The following NLGN1 variants were observed in gnomAD, a reference collection of about 807,000 sequenced individuals.
NLGN1 encodes the protein neuroligin 1.
A neutral mutation model predicts 65.5 loss-of-function variants in NLGN1; 12 were observed. The ratio of observed to expected loss-of-function variants is 0.18; its 90% CI spans 0.12 to 0.30. The LOEUF (loss-of-function observed/expected upper bound fraction) is 0.30, where lower values mean the gene tolerates loss of function less well. Ranked by LOEUF, NLGN1 falls within the 10% of genes least tolerant of loss-of-function variation. NLGN1 has a pLI of 1.00. For synonymous variants in NLGN1, 350 were observed against 359.5 expected (o/e 0.97, Z 0.30); for missense variants, 750 against 1,007.1 (o/e 0.74, Z 3.46).
intron 4 of NLGN1, among the ~76,000 whole-genome samples, chr3:174,194,848 T>TTTTTTTC (rs1242633897): frequency 1.2e-4 from 16 of 137,268 alleles, no homozygotes; most frequent in Non-Finnish European, 2.0e-4. Flanking sequence ...ATTCAAGATT[T>TTTTTTTC]TTTTTTCTTT....
chr3:173,757,670 G>A (rs755786267), intron 3 of NLGN1, among the ~76,000 whole-genome samples: 3 of 151,754 alleles, frequency 2.0e-5, no homozygotes, highest in Non-Finnish European at 2.9e-5. Context: ...AAACAAAGCA[G>A]CAGAAAAAAA....
At chr3:174,190,102 GT>G (rs1296057728) in intron 4 of NLGN1, among the ~76,000 whole-genome samples, 1 of 152,034 alleles carries the variant, frequency 6.6e-6, no homozygotes, top group Non-Finnish European at 1.5e-5. Context: ...CTACAATTCA[GT>G]TTTTAAAAGT....
At chr3:173,635,025 C>A (rs2149559840) in intron 3 of NLGN1, among the ~76,000 whole-genome samples, 1 of 152,174 alleles carries the variant, frequency 6.6e-6, no homozygotes, top group East Asian at 1.9e-4. Context: ...AAATATAACA[C>A]ATGTAGCACA....
At position 173,920,376 on chromosome 3, in the gene NLGN1, ATAATT is replaced by A. The variant is rs368610052; in HGVS notation, c.646+112546_646+112550del. 3.6e-3 allele frequency: 541 copies of A among 152,308 alleles called. 1 individual carries two copies. Among genetic ancestry groups the A allele is most frequent in the African/African-American group, 0.012 (519 of 41,556 alleles). 9.4% of individuals were successfully genotyped at this position (152,308 alleles called of 1,614,324 possible). Reference sequence around the variant, plus strand: ...ATAAAATAATGAAAACTATGATAATATAATTTGTTTTCTTCAGATTTGGGCCATAT... The same window carrying A: ...ATAAAATAATGAAAACTATGATAATATGTTTTCTTCAGATTTGGGCCATAT... On this transcript the variant is annotated intron_variant, in intron 4 of 6. Transcript: ENST00000457714.
intron 4 of NLGN1, among the ~76,000 whole-genome samples, chr3:173,998,818 T>C (rs998270248): frequency 1.3e-5 from 2 of 152,182 alleles, no homozygotes; most frequent in Non-Finnish European, 2.9e-5. Context: ...CCCTGAAATA[T>C]TGGTGTGATT....
chr3:173,837,699 A>C (rs533274702), intron 4 of NLGN1, among the ~76,000 whole-genome samples: 4 of 152,172 alleles, frequency 2.6e-5, no homozygotes, highest in Non-Finnish European at 4.4e-5. Context: ...AATTCTTTCT[A>C]CTGCAGAGGA....
rs567005512 is a variant in NLGN1, at chr3:173,522,518, C to T, written c.-320-81761C>T. On this transcript the variant is annotated intron_variant, in intron 2 of 6. Coordinates refer to ENST00000457714, the Ensembl canonical transcript of NLGN1. The stretch of plus-strand genomic sequence containing the variant: ...TGATCTTGGCTCACTGCAAGCTCTG[C>T]CTCCCAGGTTCACGCCATTCTCCTG... Among the ~76,000 whole-genome samples the T allele has an allele frequency of 7.0e-4, 107 of 152,292 alleles. 1 individual carries two copies. The highest frequency in any genetic ancestry group is 2.5e-3 in the African/African-American group (105 of 41,578).
At chr3:173,862,048 C>T (rs1457721633) in intron 4 of NLGN1, among the ~76,000 whole-genome samples, 2 of 151,694 alleles carry the variant, frequency 1.3e-5, no homozygotes, top group Non-Finnish European at 2.9e-5. Context: ...GAATTACAGG[C>T]GTGAGCCACC....
At chr3:173,402,846 G>T (rs1038830938) in intron 1 of NLGN1, among the ~76,000 whole-genome samples, 1 of 152,118 alleles carries the variant, frequency 6.6e-6, no homozygotes, top group Non-Finnish European at 1.5e-5. Flanking sequence ...GAGACAATGC[G>T]TTGTATGATT....
At chr3:173,925,324 G>A (rs1367784178) in intron 4 of NLGN1, among the ~76,000 whole-genome samples, 5 of 152,074 alleles carry the variant, frequency 3.3e-5, no homozygotes, top group African/African-American at 1.2e-4. Flanking sequence ...ACTAATAACA[G>A]TTTGAGGAAA....
At chr3:173,539,739 TATGTACATATATAACATATAC>T (rs1173085781) in intron 2 of NLGN1, among the ~76,000 whole-genome samples, 2 of 128,736 alleles carry the variant, frequency 1.6e-5, no homozygotes, top group Non-Finnish European at 3.3e-5. Context: ...TATATACATA[TATGTACATATATAACATATAC>T]ATGTACATAT....
intron 3 of NLGN1, among the ~76,000 whole-genome samples, chr3:173,645,873 C>G (rs1263233018): frequency 6.6e-6 from 1 of 152,170 alleles, no homozygotes; most frequent in African/African-American, 2.4e-5. Context: ...TCATGGTTGC[C>G]ATTCTCCTCG....
rs1456835401 is a variant in NLGN1 at position 173,497,388 on chromosome 3, C to CA, written c.-321+62314dup. Among the ~76,000 whole-genome samples, 356 of 140,092 alleles carry CA rather than the reference C, an allele frequency of 2.5e-3. 4 individuals are homozygous for CA. The highest frequency in any genetic ancestry group is 5.5e-3 in the African/African-American group (215 of 39,208). 91.9% of individuals were successfully genotyped at this position (140,092 alleles called of 152,430 possible). ...GGGCGACAAGTGTGAAACTCCATCTCAAAATAAATAAATAAATAAATAAAT... is the reference window on the plus strand; with the variant it reads ...GGGCGACAAGTGTGAAACTCCATCTCAAAAATAAATAAATAAATAAATAAAT... On this transcript the variant is annotated intron_variant, in intron 2 of 6. Coordinates refer to ENST00000457714, the Ensembl canonical transcript of NLGN1.
chr3:174,224,753 C>T (rs1212879773), intron 4 of NLGN1, among the ~76,000 whole-genome samples: 1 of 152,040 alleles, frequency 6.6e-6, no homozygotes, highest in Non-Finnish European at 1.5e-5. Flanking sequence ...ACCTTTCCTG[C>T]TAGGAGGTGC....
intron 4 of NLGN1, among the ~76,000 whole-genome samples, chr3:174,122,544 GACATTTTCA>G (rs1162805484): frequency 6.6e-6 from 1 of 152,070 alleles, no homozygotes; most frequent in Non-Finnish European, 1.5e-5. Flanking sequence ...CCTCTCTGAT[GACATTTTCA>G]AAATAATTCT....
rs547963780 is a variant in NLGN1, at chr3:173,582,347, G to A, written c.-320-21932G>A. On this transcript the variant is annotated intron_variant, in intron 2 of 6. Coordinates refer to ENST00000457714, the Ensembl canonical transcript of NLGN1. ...AATAGTTGTGGAATGAATAGTTCTA[G>A]GAGTGGAAAAACTGGATTATAGGAC... Among the ~76,000 whole-genome samples the A allele has an allele frequency of 1.9e-3, 292 of 151,956 alleles. 1 individual carries two copies. The highest frequency in any genetic ancestry group is 3.8e-3 in the Non-Finnish European group (259 of 67,880).
intron 4 of NLGN1, among the ~76,000 whole-genome samples, chr3:174,237,602 G>A (rs1050526098): frequency 6.6e-6 from 1 of 152,020 alleles, no homozygotes; most frequent in Non-Finnish European, 1.5e-5. Context: ...CTGTCACCCA[G>A]CTGGACTGCA....
At chr3:174,135,300 T>C (rs1721001216) in intron 4 of NLGN1, among the ~76,000 whole-genome samples, 1 of 152,136 alleles carries the variant, frequency 6.6e-6, no homozygotes, top group Admixed American at 6.6e-5. Context: ...ACAAATGAAA[T>C]TGTAAGTAGT....
At position 173,588,272 on chromosome 3, in the gene NLGN1, G is replaced by A. The variant is rs374679027; in HGVS notation, c.-320-16007G>A. On this transcript the variant is annotated intron_variant, in intron 2 of 6. Transcript: ENST00000457714. ...TAATCCTGTGGGATAGCAACATTCT[G>A]TTTCTAAGAAAATGATTTCTAAGAA... 1.1e-4 allele frequency among the ~76,000 whole-genome samples: 17 copies of A among 152,270 alleles called. 1 individual carries two copies. The highest frequency in any genetic ancestry group is 2.0e-4 in the Admixed American group (3 of 15,292).
Sources: allele counts gnomAD v4.1 joint callset (sites outside exome capture counted in the v4.1 genomes callset), GRCh38; gene constraint gnomAD v4.1.1; transcripts MANE v1.5; gene names NCBI Gene and HGNC (gene_info 2026-07-23, HGNC 2026-07-21).